GALNT18: variants seen among roughly 807,000 people sequenced by gnomAD.
GALNT18 encodes polypeptide N-acetylgalactosaminyltransferase 18.
GALNT18 carries 44 observed loss-of-function variants against 69.5 expected under a neutral mutation model. The observed-to-expected ratio is 0.63, with a 90% confidence interval of 0.50 to 0.81. The LOEUF is 0.81. GALNT18 is among the 40% of genes least tolerant of loss of function. The pLI, the probability that GALNT18 is intolerant of heterozygous loss-of-function variation, is 0.00. For synonymous variants in GALNT18, 364 were observed against 318.2 expected (o/e 1.14, Z -1.53); for missense variants, 715 against 810.0 (o/e 0.88, Z 1.42).
In GALNT18 at chr11:11,505,275, T is replaced by C. The variant is rs571488461; in HGVS notation, c.236-56339A>G. ...GCTATGATTAGTCATGGATTGGTTG[T>C]GAGATATTATGAATATCAACCTTAA... On this transcript the variant is annotated intron_variant, in intron 1 of 10. Coordinates refer to ENST00000227756, the MANE Select transcript of GALNT18 (RefSeq NM_198516.3). The surrounding 1 kb of genome is among the most constrained non-coding windows in gnomAD (Gnocchi z 4.6). Among the ~76,000 whole-genome samples the C allele has an allele frequency of 6.6e-6, 1 of 152,280 alleles. No individual in the cohort carries two copies. Among genetic ancestry groups the C allele is most frequent in the East Asian group, 1.9e-4 (1 of 5,180 alleles).
chr11:11,293,007 G>T, intron 10 of GALNT18, 22 bp downstream of exon 10: 1 of 1,351,092 alleles, frequency 7.4e-7, no homozygotes, highest in Non-Finnish European at 9.6e-7. Flanking sequence ...CTGCCACTGT[G>T]CCCGGGCTCT....
In GALNT18 at chr11:11,470,737, G is replaced by C. The variant is rs538039561; in HGVS notation, c.236-21801C>G. 6.6e-6 allele frequency among the ~76,000 whole-genome samples: 1 copy of C among 152,018 alleles called. No individual in the cohort carries two copies. The highest frequency in any genetic ancestry group is 2.4e-5 in the African/African-American group (1 of 41,380). ...CCAGAGAGCTTCTTCCTGCCCCTGT[G>C]AGCCCTGTGCTGGGCAGCATCTCCC... On this transcript the variant is annotated intron_variant, in intron 1 of 10. Coordinates refer to ENST00000227756, the MANE Select transcript of GALNT18 (RefSeq NM_198516.3). The surrounding 1 kb of genome is among the most constrained non-coding windows in gnomAD (Gnocchi z 4.8).
intron 7 of GALNT18, among the ~76,000 whole-genome samples, chr11:11,334,391 A>C (rs1850073481): frequency 6.6e-6 from 1 of 152,034 alleles, no homozygotes; most frequent in African/African-American, 2.4e-5. Context: ...AAATACAAAA[A>C]AATTAGCCGG....
At position 11,605,652 on chromosome 11, in the gene GALNT18, A is replaced by C. The variant is rs545410194; in HGVS notation, c.235+15707T>G. On this transcript the variant is annotated intron_variant, in intron 1 of 10. Coordinates refer to ENST00000227756, the MANE Select transcript of GALNT18 (RefSeq NM_198516.3). The surrounding 1 kb of genome is among the most constrained non-coding windows in gnomAD (Gnocchi z 4.7). ...CTAGTGACTCTTCAGGTGTCAATTA[A>C]AATGACTTCAATGCTGTCTCTCCTC... Among the ~76,000 whole-genome samples the C allele has an allele frequency of 1.6e-4, 24 of 152,312 alleles. No homozygotes were observed. The highest frequency in any genetic ancestry group is 5.3e-4 in the African/African-American group (22 of 41,576).
At chr11:11,298,717 C>T (rs1849442413) in intron 9 of GALNT18, among the ~76,000 whole-genome samples, 1 of 152,250 alleles carries the variant, frequency 6.6e-6, no homozygotes, top group East Asian at 1.9e-4. Context: ...GAGCCCCTCT[C>T]CCAGCCCCAT....
intron 10 of GALNT18, among the ~76,000 whole-genome samples, chr11:11,286,391 G>A (rs913858584): frequency 3.3e-5 from 5 of 151,464 alleles, no homozygotes; most frequent in East Asian, 1.9e-4. Flanking sequence ...GGTGGGATGC[G>A]CTACCACCTA....
At chr11:11,526,890 T>C (rs1564994844) in intron 1 of GALNT18, among the ~76,000 whole-genome samples, 3 of 152,104 alleles carry the variant, frequency 2.0e-5, no homozygotes, top group African/African-American at 7.2e-5. Context: ...TGAACAGCAA[T>C]CCAGTCGAGT....
intron 1 of GALNT18, among the ~76,000 whole-genome samples, chr11:11,477,008 G>C (rs1856415054): frequency 2.0e-5 from 3 of 152,216 alleles, no homozygotes; most frequent in Non-Finnish European, 4.4e-5. Context: ...CGAGGGAAAG[G>C]CTGGATGACC....
In GALNT18 at chr11:11,591,647, C is replaced by T. The variant is rs1309395333; in HGVS notation, c.235+29712G>A. 1.3e-5 allele frequency among the ~76,000 whole-genome samples: 2 copies of T among 152,194 alleles called. No individual in the cohort carries two copies. The highest frequency in any genetic ancestry group is 1.9e-4 in the East Asian group (1 of 5,202). On this transcript the variant is annotated intron_variant, in intron 1 of 10. Transcript: ENST00000227756. The surrounding 1 kb of genome is among the most constrained non-coding windows in gnomAD (Gnocchi z 4.8). ...ATTTTAAAACAACTTTATGGAAATG[C>T]TCCCTCCTGGGTGAATGTATGTGGT...
chr11:11,403,826 T>C (rs1854523712), intron 3 of GALNT18, among the ~76,000 whole-genome samples: 1 of 152,212 alleles, frequency 6.6e-6, no homozygotes, highest in Non-Finnish European at 1.5e-5. Context: ...CTGTGGGCTG[T>C]AGGACACAGT....
At chr11:11,425,249 G>A (rs1291017222) in intron 3 of GALNT18, among the ~76,000 whole-genome samples, 1 of 152,220 alleles carries the variant, frequency 6.6e-6, no homozygotes, top group African/African-American at 2.4e-5. Flanking sequence ...TGGCCAGCAT[G>A]AAGACCGGGT....
intron 1 of GALNT18, among the ~76,000 whole-genome samples, chr11:11,499,985 A>G (rs928454335): frequency 6.6e-6 from 1 of 152,256 alleles, no homozygotes; most frequent in Non-Finnish European, 1.5e-5. Flanking sequence ...GGTTCCAATT[A>G]TCAAAGAGAA....
chr11:11,453,828 C>A, intron 1 of GALNT18, among the ~76,000 whole-genome samples: 1 of 152,208 alleles, frequency 6.6e-6, no homozygotes, highest in South Asian at 2.1e-4. Context: ...AACTGTGAGT[C>A]CATTAAGCCT....
At chr11:11,380,095 C>A (rs1254940042) in intron 3 of GALNT18, among the ~76,000 whole-genome samples, 3 of 152,212 alleles carry the variant, frequency 2.0e-5, no homozygotes, top group African/African-American at 7.2e-5. Flanking sequence ...TCTGTCTGCC[C>A]TGATGAGTGA....
At chr11:11,284,915 T>TG (rs1849162864) in intron 10 of GALNT18, among the ~76,000 whole-genome samples, 1 of 142,118 alleles carries the variant, frequency 7.0e-6, no homozygotes, top group East Asian at 2.0e-4. Context: ...CGTGTTTTTT[T>TG]TTTTTTTTTT....
At position 11,286,066 on chromosome 11, in the gene GALNT18, T is replaced by A. The variant is rs76868315; in HGVS notation, c.1677+6963A>T. Among the ~76,000 whole-genome samples the A allele has an allele frequency of 1.9e-3, 283 of 152,234 alleles. 3 individuals carry two copies. The highest frequency in any genetic ancestry group is 6.4e-3 in the African/African-American group (266 of 41,556). Reference sequence around the variant, plus strand: ...AAATGCATCAGCGCTGCTCTGAGAATGAAGCAAGCACAGGGGGCTGGGGTG... The same window carrying A: ...AAATGCATCAGCGCTGCTCTGAGAAAGAAGCAAGCACAGGGGGCTGGGGTG... On this transcript the variant is annotated intron_variant, in intron 10 of 10. Transcript: ENST00000227756.
intron 1 of GALNT18, among the ~76,000 whole-genome samples, chr11:11,528,801 C>T (rs1444386882): frequency 2.6e-5 from 4 of 152,150 alleles, no homozygotes; most frequent in African/African-American, 9.7e-5. Flanking sequence ...GGACTCAATT[C>T]AAAAAGGATA....
intron 6 of GALNT18, among the ~76,000 whole-genome samples, chr11:11,360,353 G>A (rs568195824): frequency 6.6e-6 from 1 of 152,176 alleles, no homozygotes; most frequent in African/African-American, 2.4e-5. Context: ...TCAGCCTTGC[G>A]TTTTGACCCT....
At chr11:11,561,456 T>C (rs1005873700) in intron 1 of GALNT18, among the ~76,000 whole-genome samples, 2 of 152,178 alleles carry the variant, frequency 1.3e-5, no homozygotes, top group Non-Finnish European at 2.9e-5. Context: ...CACTTAAGCA[T>C]TGTGACACTC....
Sources: allele counts gnomAD v4.1 joint callset (sites outside exome capture counted in the v4.1 genomes callset), GRCh38; gene constraint gnomAD v4.1.1; non-coding constraint Gnocchi (gnomAD v3.1); transcripts MANE v1.5; gene names NCBI Gene and HGNC (gene_info 2026-07-23, HGNC 2026-07-21).